ZDHHC19: variants seen among roughly 807,000 people sequenced by gnomAD.
ZDHHC19 encodes zDHHC palmitoyltransferase 19.
Under a neutral mutation model 33.9 loss-of-function variants are expected in ZDHHC19, and 30 were observed. The ratio of observed to expected loss-of-function variants is 0.88; its 90% confidence interval spans 0.66 to 1.20. The LOEUF (loss-of-function observed/expected upper bound fraction) is 1.20. Among genes scored for constraint, ZDHHC19 ranks in the 50% most tolerant of loss-of-function variants. The pLI is 0.00. For synonymous variants in ZDHHC19, 178 were observed against 167.6 expected (o/e 1.06, Z -0.48); for missense variants, 364 against 401.1 (o/e 0.91, Z 0.79).
At position 196,211,025 on chromosome 3, in the gene ZDHHC19, T is replaced by A. The variant is rs1016583195; in HGVS notation, c.146+145A>T. 2.2e-6 allele frequency: 3 copies of A among 1,385,734 alleles called. No homozygotes were observed. The Admixed American group carries it at 6.2e-5, about 29-fold the overall frequency. 85.8% of individuals were successfully genotyped at this position (1,385,734 alleles called of 1,614,324 possible). ...CCCGCACCCTTGACCTCTGCACCTT[T>A]GCACGTCGGTTCCCTCGAACAGAAT... is the stretch of plus-strand genomic sequence containing the variant. On this transcript the variant is annotated intron_variant, in intron 1 of 7. Transcript: ENST00000296326.
chr3:196,200,344 GTATATATATATA>G (rs980091923), intron 5 of ZDHHC19, among the ~76,000 whole-genome samples: 1 of 41,662 alleles, frequency 2.4e-5, no homozygotes, highest in African/African-American at 7.1e-5. Context: ...ATATATATAT[GTATATATATATA>G]TAATTTTTTT....
chr3:196,210,402 G>GGA (rs1423025391), intron 2 of ZDHHC19, among the ~76,000 whole-genome samples: 1 of 138,842 alleles, frequency 7.2e-6, no homozygotes, highest in East Asian at 2.1e-4. Context: ...AAAGAAAGAG[G>GGA]GAGAGAGAGA....
In ZDHHC19 at chr3:196,207,739, T is replaced by C. The variant is rs1301714692; in HGVS notation, c.582-236A>G. 1.8e-4 allele frequency among the ~76,000 whole-genome samples: 2 copies of C among 11,406 alleles called. 1 individual carries two copies. The highest frequency in any genetic ancestry group is 9.7e-4 in the African/African-American group (2 of 2,070). The allele number at this position is 11,406 out of a possible 152,430, so 7.5% of individuals were successfully genotyped here. A position where few individuals can be genotyped will look rare whatever the true frequency, so the allele number is the denominator to read the frequency against. ...TCCGCCCCGAGCCCCGCCCCGCCCC[T>C]GGCCCCGCCCCTCAGGCCCGACTCC... On this transcript the variant is annotated intron_variant, in intron 4 of 7. Transcript: ENST00000296326.
intron 5 of ZDHHC19, among the ~76,000 whole-genome samples, chr3:196,204,381 A>T (rs2108728513): frequency 6.6e-6 from 1 of 152,356 alleles, no homozygotes; most frequent in East Asian, 1.9e-4. Context: ...ATCGAAGAAG[A>T]CGTAAATAAA....
chr3:196,197,810 G>T lies in ZDHHC19; in HGVS notation c.*20-85C>A, dbSNP rs2108706196. On this transcript the variant is annotated intron_variant, in intron 7 of 7. Transcript: ENST00000296326. This position sits in a 1 kb window ranked among gnomAD's most constrained non-coding sequence, Gnocchi z 4.4. ...AGGTCTCCTGCTCCTGGAGGCAAAG[G>T]GAGCGGGCTGGCCCCACAGAATGTG... 6.5e-6 allele frequency: 1 copy of T among 153,758 alleles called. No homozygotes were observed. The highest frequency in any genetic ancestry group is 6.5e-5 in the Admixed American group (1 of 15,328). 9.5% of individuals were successfully genotyped at this position (153,758 alleles called of 1,614,324 possible). A position where few individuals can be genotyped will look rare whatever the true frequency, so the allele number is the denominator to read the frequency against.
intron 3 of ZDHHC19, chr3:196,208,972 G>A: frequency 7.4e-6 from 2 of 271,914 alleles, no homozygotes; most frequent in Non-Finnish European, 1.4e-5. Context: ...CGAGAGAGAT[G>A]GTCACTCAGA....
chr3:196,210,444 G>GAAAAGA (rs113743596), intron 2 of ZDHHC19, among the ~76,000 whole-genome samples, 172 bp downstream of exon 2: 32,778 of 121,756 alleles, frequency 0.27, 4,851 homozygotes, highest in Middle Eastern at 0.34. Context: ...GAGAAAGAAA[G>GAAAAGA]AAAGAAAAGA....
At chr3:196,198,224 G>A (rs2108707545) in intron 7 of ZDHHC19, 52 bp downstream of exon 7, 2 of 1,412,974 alleles carry the variant, frequency 1.4e-6, no homozygotes, top group Non-Finnish European at 1.9e-6. Flanking sequence ...ACAACCTGCA[G>A]ACACCCCCCT....
chr3:196,203,730 C>T lies in ZDHHC19; in HGVS notation c.687+3668G>A, dbSNP rs1560134750. Among the ~76,000 whole-genome samples the T allele has an allele frequency of 6.6e-6, 1 of 152,140 alleles. No homozygotes were observed. The highest frequency in any genetic ancestry group is 1.5e-5 in the Non-Finnish European group (1 of 68,036). On this transcript the variant is annotated intron_variant, in intron 5 of 7. Coordinates refer to ENST00000296326, the MANE Select transcript of ZDHHC19 (RefSeq NM_001039617.2). This position sits in a 1 kb window ranked among gnomAD's most constrained non-coding sequence, Gnocchi z 4.3. ...GGATGTGAGAAGGGCGAAGGCTGCC[C>T]AGAAAAGGCTGAAACGATGCACTGA...
chr3:196,209,642 A>G, intron 2 of ZDHHC19, 127 bp from the exon 3 acceptor site: 6 of 1,263,626 alleles, frequency 4.7e-6, no homozygotes, highest in Non-Finnish European at 6.5e-6. Context: ...CCCTGTCCCC[A>G]CTGAGCAAGC....
At chr3:196,200,130 G>A (rs559645562) in intron 5 of ZDHHC19, among the ~76,000 whole-genome samples, 1 of 150,972 alleles carries the variant, frequency 6.6e-6, no homozygotes, top group East Asian at 2.0e-4. Flanking sequence ...ATAAAAATAG[G>A]TGGCTGTGGC....
chr3:196,209,912 C>T (rs1646307094), intron 2 of ZDHHC19, among the ~76,000 whole-genome samples: 1 of 152,160 alleles, frequency 6.6e-6, no homozygotes, highest in African/African-American at 2.4e-5. Flanking sequence ...CGGGGTAGGG[C>T]CGGGCGCGGG....
In ZDHHC19 at chr3:196,209,395, C is replaced by G; in HGVS notation, c.389G>C (p.Trp130Ser). 1 of 1,604,204 alleles carries G rather than the reference C, an allele frequency of 6.2e-7. No individual in the cohort carries two copies. Residue 130 changes from tryptophan to serine, a missense_variant, in exon 3 of 8, where the codon TGG becomes TCG. Coordinates refer to ENST00000296326, the MANE Select transcript of ZDHHC19 (RefSeq NM_001039617.2). ...HRPPRTYHCP[W>S]CNICVEDFDH... ...ACTCACCTCCACACAGATGTTGCACCAGGGGCAGTGGTAAGTCCGGGGCGG... is the reference window on the plus strand; with the variant it reads ...ACTCACCTCCACACAGATGTTGCACGAGGGGCAGTGGTAAGTCCGGGGCGG...
chr3:196,201,708 G>C (rs1351112079), intron 5 of ZDHHC19, among the ~76,000 whole-genome samples: 1 of 151,892 alleles, frequency 6.6e-6, no homozygotes, highest in African/African-American at 2.4e-5. Flanking sequence ...ACGACAGAGT[G>C]AGACTCTGTC....
At chr3:196,209,206 C>A in intron 3 of ZDHHC19, 170 bp downstream of exon 3, 1 of 897,488 alleles carries the variant, frequency 1.1e-6, no homozygotes, top group Non-Finnish European at 1.7e-6. Flanking sequence ...AGGACAGGTG[C>A]AGGTGGAGAA....
intron 2 of ZDHHC19, among the ~76,000 whole-genome samples, chr3:196,210,249 GAAAA>G (rs1344740891): frequency 8.7e-6 from 1 of 114,772 alleles, no homozygotes; most frequent in Non-Finnish European, 1.8e-5. Context: ...AAGAAAGAAA[GAAAA>G]AGAAAGAAAG....
rs1721918790 is a variant in ZDHHC19, at chr3:196,197,848, C to CG, written c.*20-124dup. 6.4e-6 allele frequency: 1 copy of CG among 156,246 alleles called. No individual in the cohort carries two copies. The highest frequency in any genetic ancestry group is 2.1e-4 in the South Asian group (1 of 4,874). 9.7% of individuals were successfully genotyped at this position (156,246 alleles called of 1,614,324 possible). On this transcript the variant is annotated intron_variant, in intron 7 of 7. Coordinates refer to ENST00000296326, the MANE Select transcript of ZDHHC19 (RefSeq NM_001039617.2). The surrounding 1 kb of genome is among the most constrained non-coding windows in gnomAD (Gnocchi z 4.4). ...CCCACAGAATGTGCTGCAGAGGCCC[C>CG]GGGGCGCAGGGGTTGCCCAGCCCCA...
In ZDHHC19 at chr3:196,203,489, C is replaced by G. The variant is rs1722516529; in HGVS notation, c.687+3909G>C. On this transcript the variant is annotated intron_variant, in intron 5 of 7. Coordinates refer to ENST00000296326, the MANE Select transcript of ZDHHC19 (RefSeq NM_001039617.2). This position sits in a 1 kb window ranked among gnomAD's most constrained non-coding sequence, Gnocchi z 4.3. Reference sequence around the variant, plus strand: ...ACATGTGTGAACTGGATCCAGAGACCTTGCTATCAACCACAGGCAGAGTTG... The same window carrying G: ...ACATGTGTGAACTGGATCCAGAGACGTTGCTATCAACCACAGGCAGAGTTG... 1.3e-5 allele frequency among the ~76,000 whole-genome samples: 2 copies of G among 152,158 alleles called. No homozygotes were observed. Among genetic ancestry groups the G allele is most frequent in the African/African-American group, 4.8e-5 (2 of 41,428 alleles).
chr3:196,210,459 A>AAAAG (rs1465923328), intron 2 of ZDHHC19, among the ~76,000 whole-genome samples, 157 bp downstream of exon 2: 1 of 151,444 alleles, frequency 6.6e-6, no homozygotes, highest in Non-Finnish European at 1.5e-5. Context: ...AAAAGAGAAG[A>AAAAG]GAAGAAAGAG....
Sources: allele counts gnomAD v4.1 joint callset (sites outside exome capture counted in the v4.1 genomes callset), GRCh38; gene constraint gnomAD v4.1.1; non-coding constraint Gnocchi (gnomAD v3.1); transcripts MANE v1.5; gene names NCBI Gene and HGNC (gene_info 2026-07-23, HGNC 2026-07-21).